The following DPP6 variants were observed in gnomAD, a reference collection of about 807,000 sequenced individuals.
DPP6 encodes A-type potassium channel modulatory protein DPP6.
DPP6 carries 69 observed loss-of-function variants against 122.6 expected under a neutral mutation model. The ratio of observed to expected loss-of-function variants is 0.56; its 90% confidence interval spans 0.46 to 0.69. DPP6 has a LOEUF of 0.69. Ranked by LOEUF, DPP6 falls within the 30% of genes least tolerant of loss-of-function variation. The pLI is 0.00. For synonymous variants in DPP6, 418 were observed against 433.1 expected, an observed-to-expected ratio of 0.97 and a Z score of 0.43; for missense variants, 928 against 1,116.9, an observed-to-expected ratio of 0.83 and a Z score of 2.41.
At chr7:154,885,469 A>G (rs942868538) in intron 21 of DPP6, 164 bp from the exon 22 acceptor site, 2 of 965,588 alleles carry the variant, frequency 2.1e-6, no homozygotes, top group African/African-American at 3.3e-5. Context: ...TTTGCTTTTC[A>G]TCTCTTGTTA....
the DPP6 span, among the ~76,000 whole-genome samples, chr7:153,814,619 T>A: frequency 6.6e-6 from 1 of 152,180 alleles, no homozygotes; most frequent in Non-Finnish European, 1.5e-5. Flanking sequence ...GAGGCCAGCA[T>A]CATCCTGATA....
intron 5 of DPP6, among the ~76,000 whole-genome samples, chr7:154,592,485 C>T (rs868108939): frequency 1.3e-5 from 2 of 152,214 alleles, no homozygotes; most frequent in African/African-American, 2.4e-5. Context: ...GAAGCCCCTG[C>T]GCTCGTGGAT....
At chr7:154,645,799 C>T (rs1324168896) in intron 6 of DPP6, among the ~76,000 whole-genome samples, 5 of 151,938 alleles carry the variant, frequency 3.3e-5, no homozygotes, top group South Asian at 2.1e-4. Flanking sequence ...GATGCCAAGG[C>T]GGGTGGATCA....
At chr7:154,650,966 A>G (rs1359603577) in intron 6 of DPP6, among the ~76,000 whole-genome samples, 1 of 152,208 alleles carries the variant, frequency 6.6e-6, no homozygotes, top group African/African-American at 2.4e-5. Context: ...TCAATTTCTT[A>G]CATCTCTGTG....
intron 1 of DPP6, among the ~76,000 whole-genome samples, chr7:154,296,571 C>T (rs1057435603): frequency 2.0e-5 from 3 of 152,274 alleles, no homozygotes; most frequent in African/African-American, 4.8e-5. Flanking sequence ...ACAGCCTTAA[C>T]GGCAGCACTG....
the DPP6 span, among the ~76,000 whole-genome samples, chr7:153,769,308 T>C: frequency 1.7e-3 from 264 of 152,350 alleles, 2 homozygotes; most frequent in African/African-American, 6.2e-3. Context: ...TATTTTGATA[T>C]ATGCATACAT....
At chr7:154,451,935 C>T (rs1023510547) in intron 2 of DPP6, among the ~76,000 whole-genome samples, 2 of 152,208 alleles carry the variant, frequency 1.3e-5, no homozygotes, top group African/African-American at 2.4e-5. Context: ...GCTCCCGCAC[C>T]GAGGCCTGAC....
At chr7:153,978,215 GT>G (rs1487146233) in intron 1 of DPP6, among the ~76,000 whole-genome samples, 2 of 152,182 alleles carry the variant, frequency 1.3e-5, no homozygotes, top group African/African-American at 4.8e-5. Flanking sequence ...TCCAGCATCT[GT>G]TGTTTCCTGA....
the DPP6 span, among the ~76,000 whole-genome samples, chr7:153,846,576 A>G: frequency 6.7e-6 from 1 of 149,502 alleles, no homozygotes; most frequent in Non-Finnish European, 1.5e-5. Flanking sequence ...GTGAAATTTC[A>G]TGTATGTCAT....
chr7:154,071,637 C>T (rs183296229), intron 1 of DPP6, among the ~76,000 whole-genome samples: 3 of 152,342 alleles, frequency 2.0e-5, no homozygotes, highest in African/African-American at 7.2e-5. Flanking sequence ...TCGGCAATCT[C>T]GTTTCATCCA....
chr7:154,260,464 T>C (rs1197432173), intron 1 of DPP6, among the ~76,000 whole-genome samples: 1 of 151,842 alleles, frequency 6.6e-6, no homozygotes, highest in Non-Finnish European at 1.5e-5. Context: ...TCCTCCTGAG[T>C]CCCCAAAGTC....
intron 2 of DPP6, among the ~76,000 whole-genome samples, chr7:154,471,546 G>A (rs967606984): frequency 6.6e-6 from 1 of 151,898 alleles, no homozygotes. Flanking sequence ...GGGGGAAAGG[G>A]CTCCAGCCTA....
chr7:154,577,956 C>G (rs1355156293), intron 5 of DPP6, among the ~76,000 whole-genome samples: 1 of 152,158 alleles, frequency 6.6e-6, no homozygotes, highest in Non-Finnish European at 1.5e-5. Flanking sequence ...CTACGACAAA[C>G]TGTACAGATT....
intron 1 of DPP6, among the ~76,000 whole-genome samples, chr7:154,225,416 C>G (rs547312946): frequency 1.3e-5 from 2 of 152,216 alleles, no homozygotes; most frequent in South Asian, 2.1e-4. Context: ...TGTTACCTCT[C>G]TTGACCTTGC....
the DPP6 span, among the ~76,000 whole-genome samples, chr7:153,780,179 G>A: frequency 3.3e-5 from 5 of 152,130 alleles, no homozygotes; most frequent in African/African-American, 1.2e-4. Context: ...ATCAAAAAAA[G>A]AGAACAGTGT....
intron 1 of DPP6, among the ~76,000 whole-genome samples, chr7:154,323,744 A>G (rs1236897398): frequency 1.3e-5 from 2 of 152,194 alleles, no homozygotes; most frequent in East Asian, 1.9e-4. Flanking sequence ...ACACTGGGAC[A>G]AGGGGGAGCC....
At chr7:154,267,453 G>T (rs1312526874) in intron 1 of DPP6, among the ~76,000 whole-genome samples, 1 of 146,982 alleles carries the variant, frequency 6.8e-6, no homozygotes, top group Non-Finnish European at 1.5e-5. Flanking sequence ...TATATAATGT[G>T]TGTATATATT....
At chr7:153,975,251 AAAT>A (rs1201114566) in intron 1 of DPP6, among the ~76,000 whole-genome samples, 39 of 18,992 alleles carry the variant, frequency 2.1e-3, no homozygotes, top group South Asian at 7.6e-3. Context: ...TAAAAAAAAA[AAAT>A]TATTTCACTT....
chr7:154,589,596 G>GCTAAAATTAC (rs1832683044), intron 5 of DPP6, among the ~76,000 whole-genome samples: 1 of 152,242 alleles, frequency 6.6e-6, no homozygotes. Context: ...CTTGAGCATG[G>GCTAAAATTAC]GGAATGTGGC....
Sources: gnomAD v4.1 joint callset for allele counts (sites outside exome capture counted in the v4.1 genomes callset) on GRCh38, gnomAD v4.1.1 for gene constraint, MANE v1.5 for transcripts, NCBI Gene and HGNC (gene_info 2026-07-23, HGNC 2026-07-21) for gene names.